The following STEAP1B variants were observed in gnomAD, a reference collection of about 807,000 sequenced individuals.
STEAP1B encodes STEAP family protein MGC87042.
Under a neutral mutation model 27.9 loss-of-function variants are expected in STEAP1B, and 13 were observed. The ratio of observed to expected loss-of-function variants is 0.47; its 90% CI spans 0.30 to 0.74. STEAP1B has a LOEUF of 0.74. Among genes scored for constraint, STEAP1B ranks in the 30% least tolerant of loss-of-function variants. STEAP1B has a pLI of 0.06. For missense variants in STEAP1B, 250 were observed against 298.7 expected (o/e 0.84, Z 1.20); for synonymous variants, 86 against 107.1 (o/e 0.80, Z 1.22).
intron 4 of STEAP1B, among the ~76,000 whole-genome samples, chr7:22,470,733 C>G (rs905737911): frequency 6.6e-6 from 1 of 152,118 alleles, no homozygotes; most frequent in African/African-American, 2.4e-5. Context: ...TTAATTAGTA[C>G]TATTGTAGTG....
chr7:22,474,779 G>A (rs1330656808), intron 4 of STEAP1B, among the ~76,000 whole-genome samples: 1 of 152,172 alleles, frequency 6.6e-6, no homozygotes, highest in Admixed American at 6.5e-5. Flanking sequence ...CCTCAACTTG[G>A]ATAGAGCTCC....
At chr7:22,464,948 C>CATATATATAAATATATATATATATATAT (rs1785748119) in intron 4 of STEAP1B, among the ~76,000 whole-genome samples, 1 of 45,012 alleles carries the variant, frequency 2.2e-5, no homozygotes, top group African/African-American at 5.6e-5. Flanking sequence ...TACCAAACCC[C>CATATATATAAATATATATATATATATAT]ATATATATAT....
chr7:22,431,108 A>G (rs1045506337), intron 4 of STEAP1B, among the ~76,000 whole-genome samples: 6 of 152,256 alleles, frequency 3.9e-5, no homozygotes, highest in Non-Finnish European at 8.8e-5. Flanking sequence ...AGTAACAGAA[A>G]CTTGAACTCA....
intron 4 of STEAP1B, among the ~76,000 whole-genome samples, chr7:22,488,125 GTCCTCC>G (rs1472784714): frequency 6.6e-6 from 1 of 152,136 alleles, no homozygotes; most frequent in East Asian, 1.9e-4. Context: ...TATTGTCCCA[GTCCTCC>G]GAGTCCCTTC....
At chr7:22,496,180 T>C (rs1176281691) in intron 1 of STEAP1B, among the ~76,000 whole-genome samples, 1 of 45,250 alleles carries the variant, frequency 2.2e-5, no homozygotes, top group African/African-American at 1.3e-4. Context: ...AACAAAAAAG[T>C]CTAAAAAGAA....
intron 4 of STEAP1B, among the ~76,000 whole-genome samples, chr7:22,428,855 C>A (rs943895678): frequency 1.3e-5 from 2 of 151,794 alleles, no homozygotes; most frequent in Non-Finnish European, 2.9e-5. Flanking sequence ...GAGTTTAATG[C>A]TAGAAAATCT....
At chr7:22,479,262 G>C (rs1256748061) in intron 4 of STEAP1B, among the ~76,000 whole-genome samples, 1 of 152,166 alleles carries the variant, frequency 6.6e-6, no homozygotes, top group African/African-American at 2.4e-5. Context: ...AGAAACAAAA[G>C]GAGATAGGGG....
At position 22,482,531 on chromosome 7, in the gene STEAP1B, C is replaced by T. The variant is rs114193425; in HGVS notation, c.762+10034G>A. 4.3e-3 allele frequency among the ~76,000 whole-genome samples: 650 copies of T among 152,272 alleles called. 1 individual carries two copies. The highest frequency in any genetic ancestry group is 0.015 in the African/African-American group (625 of 41,562). On this transcript the variant is annotated intron_variant, in intron 4 of 4. Coordinates refer to ENST00000678116, the MANE Select transcript of STEAP1B (RefSeq NM_001382447.1). ...ATCTCCCAGCCAGAGCCCAGGATCC[C>T]AGCATTGTACAGTGCACCATAGTAG...
chr7:22,484,454 C>T (rs1786164308), intron 4 of STEAP1B, among the ~76,000 whole-genome samples: 1 of 152,158 alleles, frequency 6.6e-6, no homozygotes, highest in African/African-American at 2.4e-5. Flanking sequence ...CATTTTAAGC[C>T]CACTGTTGAG....
At chr7:22,487,556 C>A in intron 4 of STEAP1B, among the ~76,000 whole-genome samples, 2 of 132,346 alleles carry the variant, frequency 1.5e-5, no homozygotes, top group African/African-American at 2.8e-5. Context: ...TTTAGGACGC[C>A]GAGGATGGCG....
In STEAP1B at chr7:22,493,633, G is replaced by C. The variant is rs558014734; in HGVS notation, c.288C>G (p.His96Gln). ...ATTGTTGATGGGAAGTTGCTAAAGG[G>C]TGAATTACTTCCCTCAGAAGAGTGT... is the stretch of plus-strand genomic sequence containing the variant. ...FLYTLLREVI[H>Q]PLATSHQQYF... Residue 96 changes from histidine to glutamine, a missense_variant, in exon 3 of 5, where the codon CAC becomes CAG. Physicochemically the swap from His to Gln is conservative, Grantham distance 24. Transcript: ENST00000678116. The C allele has an allele frequency of 6.2e-7, 1 of 1,613,948 alleles. No homozygotes were observed. Among genetic ancestry groups the C allele is most frequent in the Non-Finnish European group, 8.5e-7 (1 of 1,179,868 alleles).
chr7:22,493,310 CATT>C lies in STEAP1B; in HGVS notation c.597+11_597+13del. 1.9e-6 allele frequency: 3 copies of C among 1,598,962 alleles called. No homozygotes were observed. The highest frequency in any genetic ancestry group is 2.6e-6 in the Non-Finnish European group (3 of 1,169,778). On this transcript the variant is annotated intron_variant, in intron 3 of 4. Transcript: ENST00000678116. ...GACTTTTTATTAGTAACAGTGACAT[CATT>C]GTCATCTCACCTGTTGATATGCCCA...
intron 4 of STEAP1B, among the ~76,000 whole-genome samples, chr7:22,454,855 A>AAATATAAATATATATATG (rs59162966): frequency 3.3e-3 from 227 of 69,554 alleles, no homozygotes; most frequent in African/African-American, 0.012. Flanking sequence ...ATATGTATAT[A>AAATATAAATATATATATG]TATATATATA....
chr7:22,426,373 A>AT (rs1030016499), intron 4 of STEAP1B, among the ~76,000 whole-genome samples: 11 of 152,316 alleles, frequency 7.2e-5, no homozygotes, highest in African/African-American at 2.2e-4. Flanking sequence ...TGAATTCAGT[A>AT]TTTTTTTAAA....
chr7:22,464,436 C>G (rs1262368478), intron 4 of STEAP1B, among the ~76,000 whole-genome samples: 1 of 152,154 alleles, frequency 6.6e-6, no homozygotes, highest in Admixed American at 6.5e-5. Flanking sequence ...TACCATCAGT[C>G]TAGACACTGA....
chr7:22,481,416 ACC>A lies in STEAP1B; in HGVS notation c.762+11147_762+11148del, dbSNP rs1330780804. On this transcript the variant is annotated intron_variant, in intron 4 of 4. Coordinates refer to ENST00000678116, the MANE Select transcript of STEAP1B (RefSeq NM_001382447.1). ...CCTCTTCTTACAGAAGAGAAAGCAG[ACC>A]CCAGAGCCAGTTTCTCTTCTGTAAG... 3.3e-5 allele frequency among the ~76,000 whole-genome samples: 5 copies of A among 152,152 alleles called. No individual in the cohort carries two copies. In the South Asian group the frequency reaches 1.0e-3, roughly 32 times the overall value.
intron 4 of STEAP1B, among the ~76,000 whole-genome samples, chr7:22,443,089 A>G (rs1248006564): frequency 1.3e-5 from 2 of 152,114 alleles, no homozygotes; most frequent in African/African-American, 4.8e-5. Flanking sequence ...CCAGTGTCAG[A>G]TCTGCATAGT....
chr7:22,485,790 T>C (rs944032955), intron 4 of STEAP1B, among the ~76,000 whole-genome samples: 6 of 152,220 alleles, frequency 3.9e-5, no homozygotes, highest in African/African-American at 1.2e-4. Context: ...GATTCTGAAC[T>C]GGAGATGAGT....
chr7:22,419,598 G>A lies in STEAP1B; in HGVS notation c.*206C>T. ...TCAGTGGATTAGCACAACACATATG[G>A]ACTTTTTGTTTGCTCTCTCATGAGT... On this transcript the variant is annotated 3_prime_UTR_variant, in exon 5 of 5. Coordinates refer to ENST00000678116, the MANE Select transcript of STEAP1B (RefSeq NM_001382447.1). 2.2e-6 allele frequency: 1 copy of A among 464,606 alleles called. No homozygotes were observed. The highest frequency in any genetic ancestry group is 5.2e-4 in the Middle Eastern group (1 of 1,938). The allele number at this position is 464,606 out of a possible 1,614,324, so 28.8% of individuals were successfully genotyped here.
Sources: allele counts gnomAD v4.1 joint callset (sites outside exome capture counted in the v4.1 genomes callset), GRCh38; gene constraint gnomAD v4.1.1; transcripts MANE v1.5; gene names NCBI Gene and HGNC (gene_info 2026-07-23, HGNC 2026-07-21).